The following TMEM63A variants were observed in gnomAD, a reference collection of about 807,000 sequenced individuals.
TMEM63A encodes the protein transmembrane protein 63A.
A neutral mutation model predicts 100.6 loss-of-function variants in TMEM63A; 76 were observed. The ratio of observed to expected loss-of-function variants is 0.76; its 90% CI spans 0.63 to 0.91. The LOEUF (loss-of-function observed/expected upper bound fraction) is 0.91, where lower values mean the gene tolerates loss of function less well. TMEM63A is among the 40% of genes least tolerant of loss of function. The pLI, the probability that TMEM63A is intolerant of heterozygous loss-of-function variation, is 0.00. For missense variants in TMEM63A, 876 were observed against 1,008.8 expected (o/e 0.87, Z 1.78); for synonymous variants, 401 against 401.1 (o/e 1.00, Z 0.00).
chr1:225,871,931 A>ATGAC, intron 5 of TMEM63A, 56 bp downstream of exon 5: 1 of 1,371,944 alleles, frequency 7.3e-7, no homozygotes. Flanking sequence ...CCCCAAAACC[A>ATGAC]TGACTGCCAG....
At position 225,862,109 on chromosome 1, in the gene TMEM63A, C is replaced by T; in HGVS notation, c.1085+109G>A. On this transcript the variant is annotated intron_variant, in intron 13 of 24. Transcript: ENST00000366835. This position sits in a 1 kb window ranked among gnomAD's most constrained non-coding sequence, Gnocchi z 5.1. ...GGAGAAGGAAACACCACAGATAAAT[C>T]CCAGGGATGGTGGGTCAGCAGTACC... 2 of 1,485,938 alleles carry T rather than the reference C, an allele frequency of 1.3e-6. No individual in the cohort carries two copies. 92.0% of individuals were successfully genotyped at this position (1,485,938 alleles called of 1,614,324 possible). A position where few individuals can be genotyped will look rare whatever the true frequency, so the allele number is the denominator to read the frequency against.
chr1:225,881,373 G>A (rs1559055773), intron 1 of TMEM63A, among the ~76,000 whole-genome samples: 1 of 152,220 alleles, frequency 6.6e-6, no homozygotes, highest in Admixed American at 6.5e-5. Context: ...ACTTAGCCCA[G>A]GACCCGGCCC....
At chr1:225,844,471 G>T, downstream of TMEM63A, 7 of 1,613,772 alleles carry the variant, frequency 4.3e-6, no homozygotes, top group Non-Finnish European at 5.9e-6. Flanking sequence ...GGCACTGAGA[G>T]TGGGGCTTTG....
At position 225,862,712 on chromosome 1, in the gene TMEM63A, G is replaced by A; in HGVS notation, c.827+59C>T. Reference sequence around the variant, plus strand: ...GGCCTCCCGCCTCCCTTCCTAGCTGGGAGATGCGAGGCCAGCAAGGAAGGA... The same window carrying A: ...GGCCTCCCGCCTCCCTTCCTAGCTGAGAGATGCGAGGCCAGCAAGGAAGGA... On this transcript the variant is annotated intron_variant, in intron 11 of 24. Transcript: ENST00000366835. The surrounding 1 kb of genome is among the most constrained non-coding windows in gnomAD (Gnocchi z 5.1). The A allele has an allele frequency of 3.1e-6, 5 of 1,612,138 alleles. No homozygotes were observed. The Admixed American group carries it at 6.7e-5, about 22-fold the overall frequency.
In TMEM63A at chr1:225,874,273, G is replaced by A; in HGVS notation, c.266+15C>T. The stretch of plus-strand genomic sequence containing the variant: ...ACGCACACGCATGCTCACAGCCTAG[G>A]CGATATGTCTTTACCTGTCTGCTTC... On this transcript the variant is annotated intron_variant, in intron 4 of 24. Transcript: ENST00000366835. 1.2e-6 allele frequency: 2 copies of A among 1,612,654 alleles called. No individual in the cohort carries two copies. The highest frequency in any genetic ancestry group is 1.7e-6 in the Non-Finnish European group (2 of 1,179,520).
intron 23 of TMEM63A, 65 bp downstream of exon 23, chr1:225,848,427 T>C: frequency 3.8e-6 from 6 of 1,567,138 alleles, no homozygotes; most frequent in Non-Finnish European, 5.2e-6. Context: ...CCCATCTGGT[T>C]GGGACTGTTA....
At chr1:225,854,526 G>T (rs2102604577) in intron 18 of TMEM63A, among the ~76,000 whole-genome samples, 1 of 152,320 alleles carries the variant, frequency 6.6e-6, no homozygotes, top group East Asian at 1.9e-4. Context: ...TGAACTTTGA[G>T]GTTTTTTGCC....
intron 9 of TMEM63A, 61 bp downstream of exon 9, chr1:225,866,513 T>G: frequency 6.7e-7 from 1 of 1,486,604 alleles, no homozygotes. Context: ...GGGAGGCCCT[T>G]CCACTCCGAC....
Position 225,847,211 on chromosome 1 carries a change from G to C in TMEM63A, c.2253C>G (p.Pro751=). The stretch of plus-strand genomic sequence containing the variant: ...AGCCGTTCAGAATCCGAGGCACGTA[G>C]GGCTGTCAGCAAATGGATTTGTGCT... ...AEAHMPPPFT[P]YVPRILNGLA... The change falls in exon 24 of 25, where the codon CCC becomes CCG. Residue 751 remains proline (P), a splice_region_variant and synonymous_variant. Transcript: ENST00000366835. 4 of 1,612,806 alleles carry C rather than the reference G, an allele frequency of 2.5e-6. No individual in the cohort carries two copies. Among genetic ancestry groups the C allele is most frequent in the Non-Finnish European group, 3.4e-6 (4 of 1,179,518 alleles).
At chr1:225,847,862 C>T (rs916352484) in intron 23 of TMEM63A, among the ~76,000 whole-genome samples, 1 of 152,160 alleles carries the variant, frequency 6.6e-6, no homozygotes, top group Non-Finnish European at 1.5e-5. Flanking sequence ...CAGAAAGAAC[C>T]CTGCAGATGA....
At chr1:225,870,373 CT>C (rs1352822330) in intron 6 of TMEM63A, among the ~76,000 whole-genome samples, 1 of 149,568 alleles carries the variant, frequency 6.7e-6, no homozygotes, top group African/African-American at 2.5e-5. Flanking sequence ...AAACATGCAT[CT>C]TACAACAATA....
At chr1:225,848,276 C>T (rs537071403) in intron 23 of TMEM63A, 18 of 566,754 alleles carry the variant, frequency 3.2e-5, no homozygotes, top group Middle Eastern at 4.7e-4. Context: ...GGCCATGAAT[C>T]GAGACAAGAC....
Position 225,862,280 on chromosome 1 carries a change from G to A in TMEM63A, c.1023C>T (p.His341=), listed in dbSNP as rs1466716984. ...CCATTCCCAGGGGCTGGTCCTGGAC[G>A]TGGCGTTCTTCCTCTGTGATCCTCT... ...LLERITEEER[H]VQDQPLGMAF... is the part of the protein sequence containing the mutation. Residue 341 remains histidine, a synonymous_variant, in exon 13 of 25, where the codon CAC becomes CAT. Coordinates refer to ENST00000366835, the MANE Select transcript of TMEM63A (RefSeq NM_014698.3). The surrounding 1 kb of genome is among the most constrained non-coding windows in gnomAD (Gnocchi z 5.1). 1.3e-5 allele frequency: 21 copies of A among 1,614,196 alleles called. No individual in the cohort carries two copies. Among genetic ancestry groups the A allele is most frequent in the East Asian group, 2.2e-5 (1 of 44,880 alleles).
chr1:225,874,328 A>G lies in TMEM63A; in HGVS notation c.226T>C (p.Trp76Arg), dbSNP rs1432409159. Residue 76 changes from tryptophan to arginine, a missense_variant, in exon 4 of 25, where the codon TGG (tryptophan) becomes CGG (arginine). By Grantham distance (101) the Trp-to-Arg change is moderately radical. This residue lies in a region of TMEM63A where 487 missense variants were observed against 581.9 expected (regional missense o/e 0.84). Coordinates refer to ENST00000366835, the MANE Select transcript of TMEM63A (RefSeq NM_014698.3). ...LVFSIIRRRF[W>R]DYGRIALVSE... Reference sequence around the variant, plus strand: ...ACCAGGGCAATGCGGCCATAGTCCCAGAATCTTCTTCTTATAATAGAAAAC... The same window carrying G: ...ACCAGGGCAATGCGGCCATAGTCCCGGAATCTTCTTCTTATAATAGAAAAC... The G allele has an allele frequency of 2.5e-6, 4 of 1,613,978 alleles. No homozygotes were observed. Among genetic ancestry groups the G allele is most frequent in the Non-Finnish European group, 3.4e-6 (4 of 1,180,026 alleles).
downstream of TMEM63A, among the ~76,000 whole-genome samples, chr1:225,843,995 G>T (rs1030821053): frequency 1.2e-4 from 18 of 152,182 alleles, no homozygotes; most frequent in South Asian, 6.2e-4. Context: ...TGGAAGGTGG[G>T]GTGGGGGCTG....
In TMEM63A at chr1:225,865,987, G is replaced by C; in HGVS notation, c.676-20C>G. ...CCTCACCTGTCCGGGAAATACAGCA[G>C]GGAGAGAAGTCACCCACAAGCCAGT... On this transcript the variant is annotated intron_variant, in intron 9 of 24. Coordinates refer to ENST00000366835, the MANE Select transcript of TMEM63A (RefSeq NM_014698.3). This position sits in a 1 kb window ranked among gnomAD's most constrained non-coding sequence, Gnocchi z 4.6. The C allele has an allele frequency of 6.2e-7, 1 of 1,613,004 alleles. No homozygotes were observed. The highest frequency in any genetic ancestry group is 8.5e-7 in the Non-Finnish European group (1 of 1,179,414).
chr1:225,878,883 C>CACA (rs1252743461), intron 2 of TMEM63A, among the ~76,000 whole-genome samples: 208 of 84,454 alleles, frequency 2.5e-3, no homozygotes, highest in African/African-American at 6.8e-3. Context: ...TACCTACCTA[C>CACA]CTACACACAC....
chr1:225,851,163 A>G (rs1389902476), intron 20 of TMEM63A, among the ~76,000 whole-genome samples: 2 of 151,974 alleles, frequency 1.3e-5, no homozygotes, highest in Non-Finnish European at 2.9e-5. Flanking sequence ...CCTGGCCTCA[A>G]TTCCTCCCCA....
chr1:225,878,008 G>A (rs1670901784), intron 2 of TMEM63A, among the ~76,000 whole-genome samples: 1 of 152,146 alleles, frequency 6.6e-6, no homozygotes, highest in African/African-American at 2.4e-5. Flanking sequence ...AGAGGAGAGG[G>A]AGAAAGGCAC....
Sources: gnomAD v4.1 joint callset for allele counts (sites outside exome capture counted in the v4.1 genomes callset) on GRCh38, gnomAD v4.1.1 for gene constraint, gnomAD v4.1.1 regional missense constraint, Gnocchi (gnomAD v3.1) non-coding constraint, MANE v1.5 for transcripts, NCBI Gene and HGNC (gene_info 2026-07-23, HGNC 2026-07-21) for gene names.